MMS22L: variants seen among roughly 807,000 people sequenced by gnomAD.
The protein encoded by MMS22L is protein MMS22-like.
Under a neutral mutation model 159.1 loss-of-function variants are expected in MMS22L, and 74 were observed. The observed-to-expected ratio is 0.47, with a 90% CI of 0.39 to 0.56. MMS22L has a LOEUF of 0.56. MMS22L is among the 20% of genes least tolerant of loss of function. MMS22L has a pLI of 0.00. For missense variants in MMS22L, 1,351 were observed against 1,422.1 expected (o/e 0.95, Z 0.80); for synonymous variants, 517 against 506.9 (o/e 1.02, Z -0.27).
At chr6:97,154,455 C>G (rs1801630068) in intron 22 of MMS22L, among the ~76,000 whole-genome samples, 1 of 152,130 alleles carries the variant, frequency 6.6e-6, no homozygotes, top group Non-Finnish European at 1.5e-5. Flanking sequence ...GCTCCTAATT[C>G]TTGATGAAGT....
intron 9 of MMS22L, among the ~76,000 whole-genome samples, chr6:97,262,553 G>T (rs1016443054): frequency 6.6e-6 from 1 of 150,866 alleles, no homozygotes; most frequent in East Asian, 2.0e-4. Context: ...GCTAAGGCAC[G>T]AGAATTGCTT....
intron 14 of MMS22L, among the ~76,000 whole-genome samples, chr6:97,212,901 AGCAAC>A (rs1808543994): frequency 6.6e-6 from 1 of 152,218 alleles, no homozygotes; most frequent in Admixed American, 6.5e-5. Context: ...CAAATTTTTA[AGCAAC>A]TAGGATCTTG....
rs147743826 is a variant in MMS22L, at chr6:97,175,826, G to T, written c.2680-2604C>A. Among the ~76,000 whole-genome samples, 1,284 of 152,274 alleles carry T rather than the reference G, an allele frequency of 8.4e-3. 21 individuals are homozygous for T. Among genetic ancestry groups the T allele is most frequent in the African/African-American group, 0.03 (1,228 of 41,568 alleles). On this transcript the variant is annotated intron_variant, in intron 18 of 24. Transcript: ENST00000683635. ...TAGCAACAAATACTGTCAGTTGTTT[G>T]CTTTGAAGTGACAGGCTCACTTCAT...
Position 97,220,483 on chromosome 6 carries a change from A to C in MMS22L, c.2039+8411T>G, listed in dbSNP as rs191778112. 2.6e-5 allele frequency among the ~76,000 whole-genome samples: 4 copies of C among 152,294 alleles called. 1 individual carries two copies. The highest frequency in any genetic ancestry group is 6.8e-3 in the Middle Eastern group (2 of 294). On this transcript the variant is annotated intron_variant, in intron 14 of 24. Transcript: ENST00000683635. ...GAATTATATCTGAATAAAGCTAGCA[A>C]ACTCTATGATATGTGAATTATATGT...
chr6:97,150,058 G>A (rs995604281), intron 23 of MMS22L, 38 bp from the exon 24 acceptor site: 3 of 1,569,872 alleles, frequency 1.9e-6, no homozygotes, highest in African/African-American at 1.4e-5. Context: ...TTACTCCTGG[G>A]GCAATTCCTT....
At chr6:97,197,592 C>T (rs1367970247) in intron 14 of MMS22L, among the ~76,000 whole-genome samples, 1 of 152,126 alleles carries the variant, frequency 6.6e-6, no homozygotes, top group African/African-American at 2.4e-5. Context: ...ATACAATTAT[C>T]TTCCTCTTCA....
Position 97,229,072 on chromosome 6 carries a change from A to G in MMS22L, c.1861T>C (p.Trp621Arg). 1 of 1,614,194 alleles carries G rather than the reference A, an allele frequency of 6.2e-7. No individual in the cohort carries two copies. Among genetic ancestry groups the G allele is most frequent in the Non-Finnish European group, 8.5e-7 (1 of 1,180,010 alleles). Reference sequence around the variant, plus strand: ...TCAATGTATATGGAAAGAAGGGTCCAGATAGTCTGTCTCTGTACCATTTCC... The same window carrying G: ...TCAATGTATATGGAAAGAAGGGTCCGGATAGTCTGTCTCTGTACCATTTCC... ...NEEMVQRQTI[W>R]TLLSIYIDGV... Residue 621 changes from tryptophan (W) to arginine (R), a missense_variant, in exon 14 of 25, where the codon TGG (tryptophan) becomes CGG (arginine). Physicochemically the swap from Trp to Arg is moderately radical, Grantham distance 101. Transcript: ENST00000683635.
At chr6:97,227,176 GAA>G (rs11290743) in intron 14 of MMS22L, among the ~76,000 whole-genome samples, 3 of 150,700 alleles carry the variant, frequency 2.0e-5, no homozygotes, top group Admixed American at 1.3e-4. Context: ...AACCTATGAG[GAA>G]AAAAAAAACT....
At chr6:97,178,650 T>C in intron 17 of MMS22L, 65 bp from the exon 18 acceptor site, 1 of 753,760 alleles carries the variant, frequency 1.3e-6, no homozygotes, top group South Asian at 2.8e-5. Context: ...TAACCACACA[T>C]ACAACATATA....
intron 24 of MMS22L, 133 bp downstream of exon 24, chr6:97,149,720 G>T: frequency 1.2e-6 from 1 of 861,416 alleles, no homozygotes. Flanking sequence ...GATAATCACA[G>T]TACTGAAACA....
At position 97,186,659 on chromosome 6, in the gene MMS22L, GA is replaced by G; in HGVS notation, c.2070del (p.Gln691LysfsTer35). Reference protein sequence around the residue: ...RSMHQQLCQELQRDNVDLFVQ... With the variant: ...RSMHQQLCQEXQRDNVDLFVQ... Reference sequence around the variant, plus strand: ...ACAAATAGGTCCACATTGTCCCTTTGAAGTTCCTGACACAATTGTTGATGCA... The same window carrying G: ...ACAAATAGGTCCACATTGTCCCTTTGAGTTCCTGACACAATTGTTGATGCA... On this transcript the variant is annotated frameshift_variant, in exon 15 of 25. Coordinates refer to ENST00000683635, the MANE Select transcript of MMS22L (RefSeq NM_001350599.2). LOFTEE classifies it high-confidence loss of function. 1 of 1,573,298 alleles carries G rather than the reference GA, an allele frequency of 6.4e-7. No homozygotes were observed. Among genetic ancestry groups the G allele is most frequent in the African/African-American group, 1.4e-5 (1 of 72,838 alleles).
chr6:97,153,516 T>G (rs1801538709), intron 22 of MMS22L, among the ~76,000 whole-genome samples: 1 of 151,694 alleles, frequency 6.6e-6, no homozygotes, highest in Non-Finnish European at 1.5e-5. Context: ...GGATTACAAG[T>G]GCATGCCACC....
chr6:97,205,172 T>C (rs759867280), intron 14 of MMS22L, among the ~76,000 whole-genome samples: 4 of 151,812 alleles, frequency 2.6e-5, no homozygotes, highest in Non-Finnish European at 4.4e-5. Flanking sequence ...CTCAATCTCC[T>C]GACCTCGTGA....
At chr6:97,261,513 T>C (rs1438190901) in intron 9 of MMS22L, 1 of 152,214 alleles carries the variant, frequency 6.6e-6, no homozygotes, top group Admixed American at 6.5e-5. Flanking sequence ...CTCTAGTTTA[T>C]CATGTATATA....
chr6:97,160,517 CT>C (rs1344393810), intron 22 of MMS22L, among the ~76,000 whole-genome samples: 1 of 151,992 alleles, frequency 6.6e-6, no homozygotes, highest in Non-Finnish European at 1.5e-5. Context: ...TCATTTTTCT[CT>C]GGCTACTTCC....
intron 14 of MMS22L, among the ~76,000 whole-genome samples, chr6:97,203,676 C>A (rs1411995149): frequency 6.6e-6 from 1 of 152,146 alleles, no homozygotes; most frequent in East Asian, 1.9e-4. Context: ...GCAAACATTT[C>A]ATAAATTCCA....
At chr6:97,151,206 T>C (rs896342010) in intron 23 of MMS22L, among the ~76,000 whole-genome samples, 7 of 152,238 alleles carry the variant, frequency 4.6e-5, no homozygotes, top group Non-Finnish European at 1.0e-4. Flanking sequence ...CAATGACAGA[T>C]AGCATGTACA....
At chr6:97,255,382 T>C (rs1421197417) in intron 9 of MMS22L, among the ~76,000 whole-genome samples, 1 of 152,122 alleles carries the variant, frequency 6.6e-6, no homozygotes, top group Admixed American at 6.5e-5. Flanking sequence ...GTATTGAGTA[T>C]TTTTGTAACC....
Position 97,246,755 on chromosome 6 carries a change from G to A in MMS22L, c.1120-65C>T, listed in dbSNP as rs973252005. The A allele has an allele frequency of 1.6e-5, 18 of 1,155,564 alleles. No homozygotes were observed. The African/African-American group carries it at 2.5e-4, about 16-fold the overall frequency. 71.6% of individuals were successfully genotyped at this position (1,155,564 alleles called of 1,614,324 possible). ...TGATTATGCCTATATTTAAAATTAG[G>A]GTATAGCAAATTAAGTGTGCAGTAC... On this transcript the variant is annotated intron_variant, in intron 10 of 24. Transcript: ENST00000683635.
Sources: allele counts gnomAD v4.1 joint callset (sites outside exome capture counted in the v4.1 genomes callset), GRCh38; gene constraint gnomAD v4.1.1; transcripts MANE v1.5; gene names NCBI Gene and HGNC (gene_info 2026-07-23, HGNC 2026-07-21).